Variants in KIAA1671 observed in about 807,000 individuals in gnomAD.
KIAA1671 encodes the protein KIAA1671.
Under a neutral mutation model 131.2 loss-of-function variants are expected in KIAA1671, and 52 were observed. The observed-to-expected ratio is 0.40, with a 90% CI of 0.32 to 0.50. The LOEUF (loss-of-function observed/expected upper bound fraction) is 0.50, where lower values mean the gene tolerates loss of function less well. Among genes scored for constraint, KIAA1671 ranks in the 20% least tolerant of loss-of-function variants. KIAA1671 has a pLI of 0.73. For missense variants in KIAA1671, 2,360 were observed against 2,364.2 expected (o/e 1.00, Z 0.04); for synonymous variants, 1,003 against 961.6 (o/e 1.04, Z -0.80).
At chr22:24,982,950 G>A (rs1202190205) in intron 1 of KIAA1671, among the ~76,000 whole-genome samples, 1 of 152,132 alleles carries the variant, frequency 6.6e-6, no homozygotes, top group East Asian at 1.9e-4. Flanking sequence ...GAGTCCCTTG[G>A]CCTTTCTGAG....
At position 24,963,240 on chromosome 22, in the gene KIAA1671, T is replaced by C. The variant is rs546890474; in HGVS notation, c.-208+10468T>C. ...TTAGCCGGGCTTTGTGGCGGACACC[T>C]GTAATTCCAGCTACTTGGGAGGCTG... On this transcript the variant is annotated intron_variant, in intron 1 of 12. Coordinates refer to ENST00000358431, the MANE Select transcript of KIAA1671 (RefSeq NM_001145206.2). Among the ~76,000 whole-genome samples the C allele has an allele frequency of 7.0e-4, 106 of 151,736 alleles. 1 individual carries two copies. The highest frequency in any genetic ancestry group is 1.2e-3 in the Non-Finnish European group (82 of 67,962).
At chr22:25,129,174 G>T (rs991115000) in intron 6 of KIAA1671, among the ~76,000 whole-genome samples, 3 of 151,914 alleles carry the variant, frequency 2.0e-5, no homozygotes, top group Non-Finnish European at 4.4e-5. Flanking sequence ...GCGGGGCGGT[G>T]GGGGGGCTCC....
At chr22:25,177,251 A>G (rs1236636300) in intron 8 of KIAA1671, 97 bp from the exon 9 acceptor site, 8 of 1,178,696 alleles carry the variant, frequency 6.8e-6, no homozygotes, top group South Asian at 1.6e-5. Context: ...ATAGCCTCTC[A>G]TCTGTCAACG....
At chr22:25,077,708 A>T (rs1929192037) in intron 6 of KIAA1671, among the ~76,000 whole-genome samples, 2 of 152,264 alleles carry the variant, frequency 1.3e-5, no homozygotes, top group Middle Eastern at 3.4e-3. Flanking sequence ...CTCCCTGGAG[A>T]TGGGAAATCA....
intron 6 of KIAA1671, among the ~76,000 whole-genome samples, chr22:25,168,864 T>G (rs1933741621): frequency 6.6e-6 from 1 of 151,826 alleles, no homozygotes; most frequent in East Asian, 1.9e-4. Flanking sequence ...GATAGAGAGT[T>G]TGTTTGGAGC....
intron 6 of KIAA1671, among the ~76,000 whole-genome samples, chr22:25,066,823 G>A (rs148227206): frequency 0.018 from 2,801 of 152,232 alleles, 38 homozygotes; most frequent in Non-Finnish European, 0.028. Context: ...AGGTGCACAG[G>A]GGCCTGGGGT....
chr22:24,955,542 G>C (rs1009991496), intron 1 of KIAA1671, among the ~76,000 whole-genome samples: 5 of 152,192 alleles, frequency 3.3e-5, no homozygotes, highest in Non-Finnish European at 7.4e-5. Flanking sequence ...GGCCAGGCCA[G>C]CCATGCTTAG....
At chr22:25,167,658 A>T (rs1933689664) in intron 6 of KIAA1671, among the ~76,000 whole-genome samples, 1 of 152,230 alleles carries the variant, frequency 6.6e-6, no homozygotes, top group South Asian at 2.1e-4. Flanking sequence ...TGTTGTAACT[A>T]GAGACAGAAA....
At chr22:25,048,880 A>G in intron 5 of KIAA1671, 1 of 181,048 alleles carries the variant, frequency 5.5e-6, no homozygotes, top group South Asian at 1.4e-4. Context: ...GGACTTGTGC[A>G]CGTCTGCCCC....
In KIAA1671 at chr22:25,029,112, G is replaced by C. The variant is rs969634015; in HGVS notation, c.1113G>C (p.Val371=). 5.4e-6 allele frequency: 8 copies of C among 1,470,314 alleles called. No individual in the cohort carries two copies. The Admixed American group carries it at 1.6e-4, about 30-fold the overall frequency. The allele number at this position is 1,470,314 out of a possible 1,614,324, so 91.1% of individuals were successfully genotyped here. Residue 371 remains valine (V), a synonymous_variant, in exon 3 of 13, where the codon GTG becomes GTC. Coordinates refer to ENST00000358431, the MANE Select transcript of KIAA1671 (RefSeq NM_001145206.2). ...KPEMGSPRAL[V]GGSSGVTPSN... ...AGATGGGCAGCCCCAGAGCCCTGGT[G>C]GGGGGCTCATCTGGGGTCACCCCCA...
Position 24,976,237 on chromosome 22 carries a change from G to A in KIAA1671, c.-208+23465G>A, listed in dbSNP as rs537869533. Reference sequence around the variant, plus strand: ...GAGCAAGACAGCAGAACCCCCAGGGGTGGGCATTGGATCCCAGCCCTAACA... The same window carrying A: ...GAGCAAGACAGCAGAACCCCCAGGGATGGGCATTGGATCCCAGCCCTAACA... On this transcript the variant is annotated intron_variant, in intron 1 of 12. Coordinates refer to ENST00000358431, the MANE Select transcript of KIAA1671 (RefSeq NM_001145206.2). Among the ~76,000 whole-genome samples the A allele has an allele frequency of 2.0e-5, 3 of 152,350 alleles. No homozygotes were observed. In the South Asian group the frequency reaches 6.2e-4, roughly 32 times the overall value.
rs556347610 is a variant in KIAA1671 at position 25,174,444 on chromosome 22, G to A, written c.4854G>A (p.Pro1618=). ...ATGGGATGGAGGGGCCGCCTCCACC[G>A]GACGCCTGCCCTGAAAAGAGAGTAG... is the stretch of plus-strand genomic sequence containing the variant. ...STDGMEGPPP[P]DACPEKRVDD... The change falls in exon 8 of 13, where the codon CCG becomes CCA. Residue 1618 remains proline, a synonymous_variant. Coordinates refer to ENST00000358431, the MANE Select transcript of KIAA1671 (RefSeq NM_001145206.2). The A allele has an allele frequency of 1.2e-5, 19 of 1,545,972 alleles. No individual in the cohort carries two copies. The East Asian group carries it at 2.0e-4, about 16-fold the overall frequency.
chr22:25,047,661 C>CG (rs1315988250), intron 5 of KIAA1671, among the ~76,000 whole-genome samples: 1 of 151,694 alleles, frequency 6.6e-6, no homozygotes, highest in African/African-American at 2.4e-5. Context: ...GTAGTAGAGA[C>CG]GGGGTTTCAC....
intron 3 of KIAA1671, 60 bp from the exon 4 acceptor site, chr22:25,032,549 G>A: frequency 1.8e-6 from 2 of 1,087,048 alleles, no homozygotes; most frequent in Non-Finnish European, 2.7e-6. Context: ...GAGCTGGTGT[G>A]TGGGCTGGGG....
chr22:25,034,485 C>A (rs1926480078), intron 4 of KIAA1671, among the ~76,000 whole-genome samples: 1 of 151,298 alleles, frequency 6.6e-6, no homozygotes, highest in African/African-American at 2.4e-5. Context: ...CTTGCTTGTT[C>A]ACTCAGAGTA....
chr22:25,072,786 A>G (rs1928900087), intron 6 of KIAA1671, among the ~76,000 whole-genome samples: 1 of 152,196 alleles, frequency 6.6e-6, no homozygotes, highest in South Asian at 2.1e-4. Flanking sequence ...TCTGAAACCT[A>G]GAAGCTGCTC....
chr22:25,132,630 T>G (rs1371238590), intron 6 of KIAA1671, among the ~76,000 whole-genome samples: 1 of 152,166 alleles, frequency 6.6e-6, no homozygotes, highest in East Asian at 1.9e-4. Flanking sequence ...ATCTCCAGAA[T>G]ATCAGGGCTT....
chr22:25,058,091 G>A (rs1273177293), intron 6 of KIAA1671: 1 of 152,176 alleles, frequency 6.6e-6, no homozygotes, highest in Non-Finnish European at 1.5e-5. Flanking sequence ...TTCTGGAAAT[G>A]GAAATAACTC....
chr22:24,953,797 C>T (rs1334624145), intron 1 of KIAA1671, among the ~76,000 whole-genome samples: 1 of 152,216 alleles, frequency 6.6e-6, no homozygotes, highest in South Asian at 2.1e-4. Context: ...CTAGGGCTTC[C>T]TGCCTGCCGG....
Sources: allele counts gnomAD v4.1 joint callset (sites outside exome capture counted in the v4.1 genomes callset), GRCh38; gene constraint gnomAD v4.1.1; transcripts MANE v1.5; gene names NCBI Gene and HGNC (gene_info 2026-07-23, HGNC 2026-07-21).